The following MMP16 variants were observed in gnomAD, a reference collection of about 807,000 sequenced individuals.
MMP16 encodes the protein matrix metallopeptidase 16.
Under a neutral mutation model 67.8 loss-of-function variants are expected in MMP16, and 12 were observed. That is an observed-to-expected ratio of 0.18 (90% CI 0.11 to 0.29). MMP16 has a LOEUF of 0.29. MMP16 is among the 10% of genes least tolerant of loss of function. The pLI is 1.00. For synonymous variants in MMP16, 249 were observed against 255.9 expected (o/e 0.97, Z 0.26); for missense variants, 475 against 765.7 (o/e 0.62, Z 4.48).
rs1808690390 is a variant in MMP16 at position 88,078,526 on chromosome 8, T to TAC, written c.1084-3785_1084-3784dup. Among the ~76,000 whole-genome samples the TAC allele has an allele frequency of 2.0e-5, 3 of 152,158 alleles. No homozygotes were observed. In the South Asian group the frequency reaches 6.2e-4, roughly 32 times the overall value. ...ATATGAAATTATGATGTTAATGATC[T>TAC]ACTATCAGTAGAAATTGCTGTTTTC... On this transcript the variant is annotated intron_variant, in intron 6 of 9. Coordinates refer to ENST00000286614, the MANE Select transcript of MMP16 (RefSeq NM_005941.5).
chr8:88,140,444 T>C (rs532734820), intron 4 of MMP16, among the ~76,000 whole-genome samples: 8 of 152,298 alleles, frequency 5.3e-5, no homozygotes, highest in African/African-American at 1.7e-4. Flanking sequence ...ATGACTCATA[T>C]TCATTGGGAG....
rs1406378138 is a variant in MMP16 at position 88,037,808 on chromosome 8, A to C, written c.*3653T>G. 6.6e-6 allele frequency: 1 copy of C among 152,044 alleles called. No individual in the cohort carries two copies. The highest frequency in any genetic ancestry group is 1.9e-4 in the East Asian group (1 of 5,196). The allele number at this position is 152,044 out of a possible 1,614,324, so 9.4% of individuals were successfully genotyped here. ...CTTAACTATATGGTCATTTTACATG[A>C]AGACCATTACCTTGTTTACATTTGT... On this transcript the variant is annotated 3_prime_UTR_variant, in exon 10 of 10. Coordinates refer to ENST00000286614, the MANE Select transcript of MMP16 (RefSeq NM_005941.5).
At chr8:88,068,925 C>T (rs1808499240) in intron 7 of MMP16, among the ~76,000 whole-genome samples, 2 of 152,112 alleles carry the variant, frequency 1.3e-5, no homozygotes, top group South Asian at 4.2e-4. Flanking sequence ...TGGTCTTGAA[C>T]TCCTGACCTC....
At chr8:88,139,037 T>C (rs1276849192) in intron 4 of MMP16, among the ~76,000 whole-genome samples, 1 of 152,114 alleles carries the variant, frequency 6.6e-6, no homozygotes, top group Non-Finnish European at 1.5e-5. Flanking sequence ...ATAAAAATGT[T>C]TTTCTGCTAA....
intron 1 of MMP16, among the ~76,000 whole-genome samples, chr8:88,235,897 C>G (rs1411324658): frequency 6.6e-6 from 1 of 151,438 alleles, no homozygotes; most frequent in African/African-American, 2.4e-5. Flanking sequence ...ATTTTCGTCT[C>G]TTTTCCTAAA....
At chr8:88,170,558 T>C (rs1362157215) in intron 3 of MMP16, among the ~76,000 whole-genome samples, 1 of 152,192 alleles carries the variant, frequency 6.6e-6, no homozygotes, top group Non-Finnish European at 1.5e-5. Context: ...TACTACATAA[T>C]TGGCACTGTT....
intron 1 of MMP16, among the ~76,000 whole-genome samples, chr8:88,269,148 C>A (rs1424050062): frequency 1.3e-5 from 2 of 152,138 alleles, no homozygotes; most frequent in African/African-American, 4.8e-5. Flanking sequence ...TGGGGATGTG[C>A]CAAGGTGTTT....
At chr8:88,226,578 G>A (rs1254996791) in intron 1 of MMP16, among the ~76,000 whole-genome samples, 2 of 152,040 alleles carry the variant, frequency 1.3e-5, no homozygotes, top group African/African-American at 4.8e-5. Context: ...CATGTATTCA[G>A]TAAAATTTTC....
chr8:88,074,078 T>C (rs540088349), intron 7 of MMP16, among the ~76,000 whole-genome samples: 1 of 152,330 alleles, frequency 6.6e-6, no homozygotes, highest in Admixed American at 6.5e-5. Flanking sequence ...TGGTAGTACT[T>C]GTGAGATTAA....
At chr8:88,242,763 C>T (rs1467201859) in intron 1 of MMP16, among the ~76,000 whole-genome samples, 1 of 152,030 alleles carries the variant, frequency 6.6e-6, no homozygotes, top group Admixed American at 6.6e-5. Context: ...AAAATAAAGG[C>T]CTAGAATAGT....
chr8:88,183,092 T>G (rs1809007492), intron 3 of MMP16, among the ~76,000 whole-genome samples: 1 of 152,078 alleles, frequency 6.6e-6, no homozygotes, highest in Non-Finnish European at 1.5e-5. Context: ...AAACACTGAA[T>G]TTTTAGGGAA....
intron 3 of MMP16, among the ~76,000 whole-genome samples, chr8:88,178,924 T>C (rs1808935706): frequency 6.6e-6 from 1 of 151,992 alleles, no homozygotes; most frequent in African/African-American, 2.4e-5. Context: ...AGCTGTGGGT[T>C]TTTAGTAAAT....
At chr8:88,069,530 G>T (rs1808517242) in intron 7 of MMP16, 1 of 524,088 alleles carries the variant, frequency 1.9e-6, no homozygotes, top group South Asian at 1.5e-5. Flanking sequence ...TCACTGCAAA[G>T]GAAAGGTTTG....
intron 9 of MMP16, among the ~76,000 whole-genome samples, chr8:88,045,773 G>A (rs1808192356): frequency 6.6e-6 from 1 of 151,972 alleles, no homozygotes; most frequent in African/African-American, 2.4e-5. Context: ...GCCCCTAGAT[G>A]CACTTGTTTG....
intron 1 of MMP16, among the ~76,000 whole-genome samples, chr8:88,266,723 AT>A (rs1810482926): frequency 1.3e-5 from 2 of 152,116 alleles, no homozygotes; most frequent in Non-Finnish European, 2.9e-5. Flanking sequence ...GAAAAAAAAA[AT>A]GTGCCTACCC....
intron 4 of MMP16, among the ~76,000 whole-genome samples, chr8:88,151,221 G>C (rs1366030549): frequency 3.2e-5 from 4 of 123,262 alleles, no homozygotes; most frequent in South Asian, 6.4e-4. Context: ...AGCAAGTCCT[G>C]AGTGACCTAC....
intron 6 of MMP16, among the ~76,000 whole-genome samples, chr8:88,084,916 T>C (rs1168883153): frequency 6.6e-6 from 1 of 151,994 alleles, no homozygotes; most frequent in Non-Finnish European, 1.5e-5. Context: ...CATTTAGATT[T>C]GCTACTATAA....
chr8:88,161,748 T>C (rs1808627836), intron 4 of MMP16, among the ~76,000 whole-genome samples: 1 of 152,196 alleles, frequency 6.6e-6, no homozygotes, highest in South Asian at 2.1e-4. Context: ...TCTGGTATGT[T>C]GTGTCTTTGT....
At chr8:88,319,449 G>A (rs77251386) in intron 1 of MMP16, among the ~76,000 whole-genome samples, 1 of 151,952 alleles carries the variant, frequency 6.6e-6, no homozygotes, top group Non-Finnish European at 1.5e-5. Context: ...CCAACTAGAT[G>A]AAGCAAGTAG....
Sources: allele counts gnomAD v4.1 joint callset (sites outside exome capture counted in the v4.1 genomes callset), GRCh38; gene constraint gnomAD v4.1.1; transcripts MANE v1.5; gene names NCBI Gene and HGNC (gene_info 2026-07-23, HGNC 2026-07-21).